Variants in NPAS3 observed in about 807,000 individuals in gnomAD.
NPAS3 encodes the protein neuronal PAS domain protein 3.
Under a neutral mutation model 73.1 loss-of-function variants are expected in NPAS3, and 14 were observed. That is an observed-to-expected ratio of 0.19 (90% CI 0.13 to 0.30). NPAS3 has a LOEUF of 0.30. Ranked by LOEUF, NPAS3 falls within the 10% of genes least tolerant of loss-of-function variation. The pLI, the probability that NPAS3 is intolerant of heterozygous loss-of-function variation, is 1.00. For missense variants in NPAS3, 1,096 were observed against 1,250.0 expected (o/e 0.88, Z 1.86); for synonymous variants, 620 against 541.5 (o/e 1.14, Z -2.01).
At chr14:33,004,836 T>TTTTTTTTTTTTTTTTTTTTTTTTTTA (rs2038940404) in intron 1 of NPAS3, among the ~76,000 whole-genome samples, 1 of 136,494 alleles carries the variant, frequency 7.3e-6, no homozygotes, top group African/African-American at 2.6e-5. Flanking sequence ...TTTTTTTTTT[T>TTTTTTTTTTTTTTTTTTTTTTTTTTA]AGTTTTAAAA....
At position 33,078,290 on chromosome 14, in the gene NPAS3, C is replaced by T. The variant is rs78910820; in HGVS notation, c.140+22296C>T. 9.8e-3 allele frequency among the ~76,000 whole-genome samples: 1,486 copies of T among 152,246 alleles called. 23 individuals carry two copies. Among genetic ancestry groups the T allele is most frequent in the African/African-American group, 0.034 (1,414 of 41,556 alleles). ...ACCCAATGATAGAGTTAATTGAACA[C>T]ATTTTCCTTCGTAATACCCAAGTAT... is the stretch of plus-strand genomic sequence containing the variant. On this transcript the variant is annotated intron_variant, in intron 2 of 11. Coordinates refer to ENST00000356141, the Ensembl canonical transcript of NPAS3.
chr14:33,760,703 A>C lies in NPAS3; in HGVS notation c.853-13634A>C, dbSNP rs976956533. ...GGGGTTATGTCTGCCTAAACCAAAC[A>C]AGTTAAAAAAAAAAAAATCAAGTGC... On this transcript the variant is annotated intron_variant, in intron 7 of 11. Transcript: ENST00000356141. Among the ~76,000 whole-genome samples, 5 of 134,626 alleles carry C rather than the reference A, an allele frequency of 3.7e-5. No individual in the cohort carries two copies. In the East Asian group the frequency reaches 5.8e-4, roughly 16 times the overall value. The allele number at this position is 134,626 out of a possible 152,430, so 88.3% of individuals were successfully genotyped here.
At chr14:33,494,251 G>A (rs1477704866) in intron 4 of NPAS3, among the ~76,000 whole-genome samples, 1 of 152,102 alleles carries the variant, frequency 6.6e-6, no homozygotes, top group Non-Finnish European at 1.5e-5. Context: ...AACAGCTTTA[G>A]AGAAACATTT....
Position 33,034,087 on chromosome 14 carries a change from T to A in NPAS3, c.51-21818T>A, listed in dbSNP as rs575957831. Among the ~76,000 whole-genome samples the A allele has an allele frequency of 3.3e-5, 5 of 152,270 alleles. No homozygotes were observed. The South Asian group carries it at 1.0e-3, about 32-fold the overall frequency. ...CATTTTTATGTTTACTTAATGGAGA[T>A]TTTTCTTCTAATTTGAATAAAGTGT... On this transcript the variant is annotated intron_variant, in intron 1 of 11. Transcript: ENST00000356141.
chr14:33,147,664 A>G lies in NPAS3; in HGVS notation c.141-67518A>G, dbSNP rs1221539469. On this transcript the variant is annotated intron_variant, in intron 2 of 11. Transcript: ENST00000356141. ...TGGGTGCAGCACACCAACATGGCAC[A>G]TGTATACATATGTAACAAACCTGCA... Among the ~76,000 whole-genome samples the G allele has an allele frequency of 2.7e-5, 4 of 150,722 alleles. No homozygotes were observed. In the East Asian group the frequency reaches 7.8e-4, roughly 29 times the overall value.
intron 5 of NPAS3, among the ~76,000 whole-genome samples, chr14:33,597,217 T>C (rs1052372316): frequency 4.6e-5 from 7 of 152,214 alleles, no homozygotes; most frequent in African/African-American, 1.7e-4. Context: ...TTGCACTTTA[T>C]CAGCTGTGAG....
chr14:33,436,391 T>C (rs1363208655), intron 4 of NPAS3, among the ~76,000 whole-genome samples: 1 of 152,198 alleles, frequency 6.6e-6, no homozygotes, highest in African/African-American at 2.4e-5. Flanking sequence ...TCAACACACC[T>C]TTAAACCTTT....
intron 5 of NPAS3, among the ~76,000 whole-genome samples, chr14:33,671,490 T>G (rs1208138742): frequency 1.3e-5 from 2 of 152,220 alleles, no homozygotes; most frequent in Non-Finnish European, 2.9e-5. Context: ...TGGTTTAGCT[T>G]GACTATAGGA....
At position 33,207,028 on chromosome 14, in the gene NPAS3, C is replaced by T. The variant is rs548561314; in HGVS notation, c.141-8154C>T. Among the ~76,000 whole-genome samples the T allele has an allele frequency of 2.2e-4, 33 of 152,240 alleles. No homozygotes were observed. The East Asian group carries it at 2.5e-3, about 12-fold the overall frequency. ...GGATGAGAAAGCCTTTATCCCATGT[C>T]GGGCAAAGACCCGTGATCCTGAATC... On this transcript the variant is annotated intron_variant, in intron 2 of 11. Coordinates refer to ENST00000356141, the Ensembl canonical transcript of NPAS3.
intron 7 of NPAS3, among the ~76,000 whole-genome samples, chr14:33,753,057 C>T (rs903753956): frequency 3.9e-5 from 6 of 152,064 alleles, no homozygotes; most frequent in Non-Finnish European, 7.4e-5. Context: ...AACTTTGGTA[C>T]GGCTGATTCT....
At chr14:33,477,601 T>C (rs1426677660) in intron 4 of NPAS3, among the ~76,000 whole-genome samples, 4 of 152,120 alleles carry the variant, frequency 2.6e-5, no homozygotes, top group Admixed American at 6.6e-5. Flanking sequence ...GGACCCATGA[T>C]GGGGTGACTT....
At chr14:33,459,843 A>G (rs1375205083) in intron 4 of NPAS3, among the ~76,000 whole-genome samples, 1 of 151,850 alleles carries the variant, frequency 6.6e-6, no homozygotes, top group Non-Finnish European at 1.5e-5. Flanking sequence ...TTTCCTTTAC[A>G]TATAATTATC....
At chr14:33,038,817 A>G (rs1037638509) in intron 1 of NPAS3, among the ~76,000 whole-genome samples, 1 of 152,206 alleles carries the variant, frequency 6.6e-6, no homozygotes, top group African/African-American at 2.4e-5. Flanking sequence ...GCTAAAAGGC[A>G]TAGTCAAGGC....
At chr14:33,787,627 A>G (rs531813923) in intron 9 of NPAS3, among the ~76,000 whole-genome samples, 63 of 151,848 alleles carry the variant, frequency 4.1e-4, no homozygotes, top group African/African-American at 1.4e-3. Flanking sequence ...CCTAAAAACC[A>G]ATTTCTGGAT....
intron 1 of NPAS3, among the ~76,000 whole-genome samples, chr14:32,980,964 C>G (rs1460544934): frequency 6.6e-6 from 1 of 152,160 alleles, no homozygotes; most frequent in Admixed American, 6.5e-5. Context: ...CATACACACA[C>G]ACACATATAT....
chr14:33,725,358 G>C (rs1001160917), intron 6 of NPAS3, among the ~76,000 whole-genome samples: 3 of 152,004 alleles, frequency 2.0e-5, no homozygotes. Flanking sequence ...GCAGACACAG[G>C]TTTTATCCCA....
At chr14:32,987,794 A>G (rs560528396) in intron 1 of NPAS3, among the ~76,000 whole-genome samples, 138 of 152,278 alleles carry the variant, frequency 9.1e-4, no homozygotes, top group African/African-American at 3.1e-3. Context: ...TATGTAAAAA[A>G]TACTTTAAAT....
rs554021342 is a variant in NPAS3, at chr14:33,607,807, C to T, written c.558+47597C>T. On this transcript the variant is annotated intron_variant, in intron 5 of 11. Transcript: ENST00000356141. ...ACAGTTCAGCATGGCTGGGGAGGCC[C>T]CAGGAAACTCAGAATCATGGCGGAA... is the stretch of plus-strand genomic sequence containing the variant. 2.6e-5 allele frequency among the ~76,000 whole-genome samples: 4 copies of T among 152,212 alleles called. No homozygotes were observed. The South Asian group carries it at 8.3e-4, about 32-fold the overall frequency.
chr14:33,131,812 A>G (rs2043646298), intron 2 of NPAS3, among the ~76,000 whole-genome samples: 1 of 152,212 alleles, frequency 6.6e-6, no homozygotes, highest in Non-Finnish European at 1.5e-5. Context: ...AAGGGCCACA[A>G]TAAACTGTGT....
Sources: allele counts gnomAD v4.1 joint callset (sites outside exome capture counted in the v4.1 genomes callset), GRCh38; gene constraint gnomAD v4.1.1; transcripts MANE v1.5; gene names NCBI Gene and HGNC (gene_info 2026-07-23, HGNC 2026-07-21).